Variants in FANCB observed in about 807,000 individuals in gnomAD.
The protein encoded by FANCB is FA complementation group B.
A neutral mutation model predicts 38.9 loss-of-function variants in FANCB; 5 were observed. The observed-to-expected ratio is 0.13, with a 90% confidence interval of 0.07 to 0.27. The LOEUF (loss-of-function observed/expected upper bound fraction) is 0.27, where lower values mean the gene tolerates loss of function less well. FANCB is among the 10% of genes least tolerant of loss of function. The pLI is 1.00. For synonymous variants in FANCB, 236 were observed against 215.4 expected (o/e 1.10, Z -0.84); for missense variants, 573 against 602.7 (o/e 0.95, Z 0.52).
the FANCB span, among the ~76,000 whole-genome samples, chrX:14,691,556 T>C: frequency 1.8e-5 from 2 of 111,399 alleles, no homozygotes; most frequent in Admixed American, 1.9e-4. Context: ...TTCCCAAACT[T>C]GCCTGCACAT....
chrX:14,736,083 C>G, the FANCB span, among the ~76,000 whole-genome samples: 1 of 111,170 alleles, frequency 9.0e-6, no homozygotes, highest in South Asian at 3.8e-4. Context: ...ACACCCCTCC[C>G]CACACCAAGC....
At chrX:14,767,218 C>T in the FANCB span, among the ~76,000 whole-genome samples, 1 of 111,616 alleles carries the variant, frequency 9.0e-6, no homozygotes, top group Non-Finnish European at 1.9e-5. Flanking sequence ...AATGGGATTG[C>T]TGGGTCTAAG....
the FANCB span, among the ~76,000 whole-genome samples, chrX:14,754,585 A>G: frequency 9.0e-6 from 1 of 111,518 alleles, no homozygotes; most frequent in South Asian, 3.8e-4. Context: ...AATTGCTGTG[A>G]ATAGGGTTGA....
chrX:14,774,989 C>T, the FANCB span, among the ~76,000 whole-genome samples: 5 of 109,553 alleles, frequency 4.6e-5, no homozygotes, highest in East Asian at 8.6e-4. Flanking sequence ...CCTGCCACAA[C>T]GCCCGGCTAA....
the FANCB span, among the ~76,000 whole-genome samples, chrX:14,818,904 TA>T: frequency 3.1e-3 from 351 of 112,323 alleles, 1 homozygote; most frequent in African/African-American, 0.01. Flanking sequence ...TGAACTTAGA[TA>T]TGGTAAAATT....
At chrX:14,811,666 G>A in the FANCB span, among the ~76,000 whole-genome samples, 1 of 111,700 alleles carries the variant, frequency 9.0e-6, no homozygotes, top group African/African-American at 3.3e-5. Context: ...GATTCATAAA[G>A]GAAGTCCTGA....
the FANCB span, among the ~76,000 whole-genome samples, chrX:14,704,007 A>G: frequency 9.0e-6 from 1 of 111,509 alleles, no homozygotes; most frequent in African/African-American, 3.3e-5. Flanking sequence ...CTAAGGTGCA[A>G]TGCCTCCTAG....
intron 5 of FANCB, among the ~76,000 whole-genome samples, chrX:14,856,508 G>A (rs1268148794): frequency 9.0e-6 from 1 of 111,511 alleles, no homozygotes; most frequent in Non-Finnish European, 1.9e-5. Context: ...TTCATTCATG[G>A]TTCTGTCTGT....
chrX:14,771,955 A>G, the FANCB span, among the ~76,000 whole-genome samples: 1 of 111,632 alleles, frequency 9.0e-6, no homozygotes, highest in African/African-American at 3.3e-5. Flanking sequence ...CAAAACAGCA[A>G]AGATGGCAGC....
the FANCB span, among the ~76,000 whole-genome samples, chrX:14,811,533 C>A: frequency 9.0e-6 from 1 of 110,842 alleles, no homozygotes; most frequent in South Asian, 3.8e-4. Flanking sequence ...TCGGATAAAA[C>A]AGACTTTAAA....
At chrX:14,771,044 T>C in the FANCB span, among the ~76,000 whole-genome samples, 1 of 111,438 alleles carries the variant, frequency 9.0e-6, no homozygotes, top group Admixed American at 9.5e-5. Context: ...GACCTGGCCT[T>C]TCTCTCTGGC....
At chrX:14,713,160 C>T in the FANCB span, among the ~76,000 whole-genome samples, 1 of 112,075 alleles carries the variant, frequency 8.9e-6, no homozygotes, top group Admixed American at 9.4e-5. Flanking sequence ...AGTTAGTAAA[C>T]AAGCAAATGC....
chrX:14,748,175 T>C, the FANCB span, among the ~76,000 whole-genome samples: 5 of 112,104 alleles, frequency 4.5e-5, no homozygotes, highest in South Asian at 1.9e-3. Flanking sequence ...TATTGCTTGC[T>C]TACTCAAAAG....
chrX:14,691,064 T>C, the FANCB span, among the ~76,000 whole-genome samples: 1 of 111,955 alleles, frequency 8.9e-6, no homozygotes, highest in Non-Finnish European at 1.9e-5. Context: ...ATACATATCA[T>C]GGAGTTAAAC....
the FANCB span, among the ~76,000 whole-genome samples, chrX:14,792,585 G>T: frequency 9.0e-6 from 1 of 111,341 alleles, no homozygotes; most frequent in Non-Finnish European, 1.9e-5. Flanking sequence ...CAAAAAGTAG[G>T]TTGGAAGTAA....
chrX:14,776,669 T>C, the FANCB span, among the ~76,000 whole-genome samples: 1 of 112,452 alleles, frequency 8.9e-6, no homozygotes, highest in African/African-American at 3.2e-5. Context: ...TAGTTGTTTT[T>C]ATTTGAGGGA....
In FANCB at chrX:14,844,570, A is replaced by G. The variant is rs1232355920; in HGVS notation, c.2098T>C (p.Phe700Leu). ...TTCCAAGTGAAGAGTGTCCCATAGAAACTTCCCGGTCTTTCACAAAAGTAC... is the reference window on the plus strand; with the variant it reads ...TTCCAAGTGAAGAGTGTCCCATAGAGACTTCCCGGTCTTTCACAAAAGTAC... ...EVYFCERPGS[F>L]YGTLFTWKQR... The change falls in exon 9 of 10, where the codon TTC becomes CTC. Residue 700 changes from phenylalanine to leucine, a missense_variant. Phe to Leu is a conservative substitution (Grantham distance 22). Coordinates refer to ENST00000650831, the MANE Select transcript of FANCB (RefSeq NM_001018113.3). 1 of 1,209,947 alleles carries G rather than the reference A, an allele frequency of 8.3e-7. No homozygotes were observed. Among genetic ancestry groups the G allele is most frequent in the Non-Finnish European group, 1.1e-6 (1 of 893,940 alleles).
At chrX:14,857,099 CACACAA>C (rs2092426345) in intron 5 of FANCB, among the ~76,000 whole-genome samples, 2 of 111,730 alleles carry the variant, frequency 1.8e-5, no homozygotes, top group Admixed American at 1.9e-4. Flanking sequence ...CACACATACA[CACACAA>C]ACACAAACAC....
the FANCB span, chrX:14,730,112 T>G: frequency 3.1e-6 from 2 of 655,427 alleles, no homozygotes; most frequent in East Asian, 6.4e-5. Context: ...ACCAGTTAAC[T>G]GTGATTTATC....
Sources: gnomAD v4.1 joint callset for allele counts (sites outside exome capture counted in the v4.1 genomes callset) on GRCh38, gnomAD v4.1.1 for gene constraint, MANE v1.5 for transcripts, NCBI Gene and HGNC (gene_info 2026-07-23, HGNC 2026-07-21) for gene names.